FIP1L1: variants seen among roughly 807,000 people sequenced by gnomAD.
FIP1L1 encodes factor interacting with PAPOLA and CPSF1.
A neutral mutation model predicts 84.6 loss-of-function variants in FIP1L1; 21 were observed. The ratio of observed to expected loss-of-function variants is 0.25; its 90% CI spans 0.18 to 0.36. The LOEUF (loss-of-function observed/expected upper bound fraction) is 0.36. FIP1L1 is among the 10% of genes least tolerant of loss of function. The probability of loss-of-function intolerance (pLI) is 1.00; values close to 1 mark genes in which losing one functional copy is unlikely to be tolerated. For missense variants in FIP1L1, 526 were observed against 751.1 expected, an observed-to-expected ratio of 0.70 and a Z score of 3.50; for synonymous variants, 263 against 242.3, an observed-to-expected ratio of 1.09 and a Z score of -0.80.
At chr4:53,404,782 A>T (rs1255567721) in intron 10 of FIP1L1, among the ~76,000 whole-genome samples, 1 of 151,782 alleles carries the variant, frequency 6.6e-6, no homozygotes, top group Non-Finnish European at 1.5e-5. Context: ...GCATTTTTTC[A>T]TGTGTTTTTT....
chr4:53,406,907 T>A (rs1319492955), intron 10 of FIP1L1, among the ~76,000 whole-genome samples: 12 of 152,220 alleles, frequency 7.9e-5, no homozygotes, highest in Admixed American at 6.5e-4. Context: ...TCTTTTCTTC[T>A]TTATTAGTCT....
At chr4:53,426,296 G>GATT (rs1764322899) in intron 12 of FIP1L1, among the ~76,000 whole-genome samples, 2 of 152,226 alleles carry the variant, frequency 1.3e-5, no homozygotes, top group Admixed American at 6.5e-5. Flanking sequence ...TCTTAGAGAT[G>GATT]AGACCCAAGT....
intron 11 of FIP1L1, among the ~76,000 whole-genome samples, chr4:53,421,443 C>G (rs1762379950): frequency 6.6e-6 from 1 of 152,156 alleles, no homozygotes; most frequent in Non-Finnish European, 1.5e-5. Context: ...CTGAAATGTT[C>G]TATCTTCCCA....
At chr4:53,426,036 A>C in intron 12 of FIP1L1, 71 bp downstream of exon 12, 1 of 1,065,484 alleles carries the variant, frequency 9.4e-7, no homozygotes, top group Non-Finnish European at 1.4e-6. Flanking sequence ...TAATTTATTC[A>C]ATAGATAGTC....
chr4:53,434,792 A>G (rs1768347895), intron 13 of FIP1L1, among the ~76,000 whole-genome samples: 2 of 152,148 alleles, frequency 1.3e-5, no homozygotes, highest in African/African-American at 4.8e-5. Context: ...TTATGAAAGT[A>G]GTTTTGACCT....
chr4:53,430,341 C>CTTTT (rs376793476), intron 13 of FIP1L1, among the ~76,000 whole-genome samples: 53 of 75,788 alleles, frequency 7.0e-4, no homozygotes, highest in South Asian at 1.1e-3. Context: ...GATAAAATTA[C>CTTTT]TTTTTTTTTT....
chr4:53,378,881 G>A (rs1472308119), intron 1 of FIP1L1, 192 bp from the exon 2 acceptor site: 2 of 600,508 alleles, frequency 3.3e-6, no homozygotes, highest in East Asian at 5.9e-5. Flanking sequence ...ATCGTTTGGT[G>A]GCAAGATTTA....
rs1312252018 is a variant in FIP1L1, at chr4:53,449,566, T to C, written c.1286-3354T>C. Among the ~76,000 whole-genome samples the C allele has an allele frequency of 2.0e-5, 3 of 152,290 alleles. 1 individual carries two copies. Among genetic ancestry groups the C allele is most frequent in the African/African-American group, 2.4e-5 (1 of 41,574 alleles). ...TCTAAGTTTATATGTATAATAAAAT[T>C]GGCTTAGGATTTCCCTTTATTTATA... On this transcript the variant is annotated intron_variant, in intron 15 of 17. Transcript: ENST00000337488.
At chr4:53,383,950 C>G (rs549979745) in intron 5 of FIP1L1, 74 bp downstream of exon 5, 3 of 1,331,378 alleles carry the variant, frequency 2.3e-6, no homozygotes, top group South Asian at 3.0e-5. Context: ...ATCAAACTCT[C>G]AGTGGTTGAG....
intron 9 of FIP1L1, among the ~76,000 whole-genome samples, chr4:53,397,621 T>G (rs564071974): frequency 6.6e-6 from 1 of 152,348 alleles, no homozygotes; most frequent in South Asian, 2.1e-4. Context: ...AACCTCTCAG[T>G]GTAAACCAAA....
Position 53,383,960 on chromosome 4 carries a change from G to A in FIP1L1, c.332+84G>A, listed in dbSNP as rs1333329899. 1.7e-5 allele frequency: 21 copies of A among 1,222,594 alleles called. No homozygotes were observed. The African/African-American group carries it at 2.0e-4, about 12-fold the overall frequency. The allele number at this position is 1,222,594 out of a possible 1,614,324, so 75.7% of individuals were successfully genotyped here. On this transcript the variant is annotated intron_variant, in intron 5 of 17. Transcript: ENST00000337488. The stretch of plus-strand genomic sequence containing the variant: ...CCTATATCAAACTCTCAGTGGTTGA[G>A]TCCATTGTTTTTACATTTTTCTATT...
intron 9 of FIP1L1, among the ~76,000 whole-genome samples, chr4:53,394,755 T>G (rs113127810): frequency 0.13 from 19,645 of 151,824 alleles, 2,506 homozygotes; most frequent in African/African-American, 0.32. Flanking sequence ...CTGTTTTTCC[T>G]TTTTTTGACT....
intron 10 of FIP1L1, among the ~76,000 whole-genome samples, chr4:53,410,917 C>A (rs552239857): frequency 1.3e-5 from 2 of 152,242 alleles, no homozygotes; most frequent in East Asian, 3.9e-4. Context: ...CCACTGGAGG[C>A]CTTAGGATAT....
At chr4:53,451,575 C>CTTT (rs11371161) in intron 15 of FIP1L1, among the ~76,000 whole-genome samples, 2 of 139,486 alleles carry the variant, frequency 1.4e-5, no homozygotes, top group Non-Finnish European at 1.5e-5. Context: ...TATACATTTT[C>CTTT]TTTTTTTTTT....
intron 6 of FIP1L1, among the ~76,000 whole-genome samples, chr4:53,390,284 T>C (rs1158866537): frequency 6.6e-6 from 1 of 152,130 alleles, no homozygotes; most frequent in Non-Finnish European, 1.5e-5. Flanking sequence ...TGACCGTACA[T>C]CACAGAGACT....
intron 12 of FIP1L1, 98 bp from the exon 13 acceptor site, chr4:53,427,929 C>G: frequency 1.9e-6 from 2 of 1,066,330 alleles, no homozygotes; most frequent in Non-Finnish European, 2.7e-6. Flanking sequence ...ATTAAACTAC[C>G]TTTTACTTTG....
rs1305706532 is a variant in FIP1L1 at position 53,449,031 on chromosome 4, TTG to T, written c.1286-3888_1286-3887del. Among the ~76,000 whole-genome samples, 12 of 152,256 alleles carry T rather than the reference TTG, an allele frequency of 7.9e-5. No homozygotes were observed. In the East Asian group the frequency reaches 2.3e-3, roughly 29 times the overall value. ...TCTCACTATAATTTGTAAAGTCTAT[TTG>T]GGAAATACTCTTGCAGATAATGACA... On this transcript the variant is annotated intron_variant, in intron 15 of 17. Transcript: ENST00000337488.
intron 15 of FIP1L1, among the ~76,000 whole-genome samples, chr4:53,451,029 C>T (rs1485453368): frequency 1.3e-5 from 2 of 149,970 alleles, no homozygotes; most frequent in African/African-American, 2.5e-5. Context: ...AGCGCCATCT[C>T]GGCTCACTGC....
At chr4:53,405,621 T>A (rs1156776840) in intron 10 of FIP1L1, among the ~76,000 whole-genome samples, 57 of 146,500 alleles carry the variant, frequency 3.9e-4, no homozygotes, top group Admixed American at 2.6e-3. Context: ...TTCACGATAT[T>A]GATTCTTCCT....
Sources: gnomAD v4.1 joint callset for allele counts (sites outside exome capture counted in the v4.1 genomes callset) on GRCh38, gnomAD v4.1.1 for gene constraint, MANE v1.5 for transcripts, NCBI Gene and HGNC (gene_info 2026-07-23, HGNC 2026-07-21) for gene names.